The following MCU variants were observed in gnomAD, a reference collection of about 807,000 sequenced individuals.
The protein encoded by MCU is calcium uniporter protein, mitochondrial.
MCU carries 12 observed loss-of-function variants against 45.2 expected under a neutral mutation model. The ratio of observed to expected loss-of-function variants is 0.27; its 90% CI spans 0.17 to 0.43. The LOEUF (loss-of-function observed/expected upper bound fraction) is 0.43. Ranked by LOEUF, MCU falls within the 20% of genes least tolerant of loss-of-function variation. The pLI, the probability that MCU is intolerant of heterozygous loss-of-function variation, is 1.00. For missense variants in MCU, 324 were observed against 436.7 expected (o/e 0.74, Z 2.30); for synonymous variants, 160 against 165.1 (o/e 0.97, Z 0.24).
chr10:72,716,342 C>A (rs1229228439), intron 1 of MCU, among the ~76,000 whole-genome samples: 1 of 152,186 alleles, frequency 6.6e-6, no homozygotes, highest in Non-Finnish European at 1.5e-5. Flanking sequence ...AAAGTCAAGA[C>A]CTGTGTCATA....
chr10:72,752,206 A>G (rs1025670621), intron 1 of MCU, among the ~76,000 whole-genome samples: 3 of 151,378 alleles, frequency 2.0e-5, no homozygotes, highest in Non-Finnish European at 4.4e-5. Context: ...CTTTTCACGC[A>G]TTATCTCAGA....
At chr10:72,814,411 C>G (rs1266912307) in intron 1 of MCU, among the ~76,000 whole-genome samples, 6 of 152,082 alleles carry the variant, frequency 3.9e-5, no homozygotes, top group African/African-American at 7.2e-5. Context: ...CTTTCATTCC[C>G]TGGTGCATTA....
At chr10:72,742,882 G>A (rs748166422) in intron 1 of MCU, among the ~76,000 whole-genome samples, 7 of 152,074 alleles carry the variant, frequency 4.6e-5, no homozygotes, top group Non-Finnish European at 1.0e-4. Context: ...TGATTTCTAG[G>A]GGGTGCAATG....
chr10:72,828,352 G>A (rs4085324), intron 1 of MCU, among the ~76,000 whole-genome samples: 79,460 of 151,988 alleles, frequency 0.52, 22,707 homozygotes, highest in Non-Finnish European at 0.67. Context: ...TGTAGTTAAT[G>A]TAGTTTAGTT....
intron 2 of MCU, among the ~76,000 whole-genome samples, chr10:72,858,891 G>A (rs182779776): frequency 6.6e-6 from 1 of 152,234 alleles, no homozygotes; most frequent in Admixed American, 6.5e-5. Context: ...CCAATATCAA[G>A]AACTTCACCT....
chr10:72,740,794 C>A (rs139815497), intron 1 of MCU, among the ~76,000 whole-genome samples: 1 of 152,294 alleles, frequency 6.6e-6, no homozygotes, highest in African/African-American at 2.4e-5. Flanking sequence ...TCTCAGTGAG[C>A]TCTCAGGAAA....
chr10:72,750,036 TG>T (rs1843472460), intron 1 of MCU, among the ~76,000 whole-genome samples: 1 of 151,980 alleles, frequency 6.6e-6, no homozygotes, highest in African/African-American at 2.4e-5. Flanking sequence ...TGCTTTGACT[TG>T]GCCTCCCGAA....
chr10:72,865,935 C>T (rs983353120), intron 4 of MCU, among the ~76,000 whole-genome samples: 10 of 151,778 alleles, frequency 6.6e-5, no homozygotes, highest in Admixed American at 5.9e-4. Flanking sequence ...TGCCACCATG[C>T]CTGGCTAATT....
At chr10:72,702,814 T>TA (rs996798167) in intron 1 of MCU, among the ~76,000 whole-genome samples, 32 of 151,654 alleles carry the variant, frequency 2.1e-4, no homozygotes, top group African/African-American at 7.3e-4. Context: ...CCATCCCTAC[T>TA]AAAAAAATAC....
chr10:72,794,714 C>T (rs1378210215), intron 1 of MCU, among the ~76,000 whole-genome samples: 2 of 152,180 alleles, frequency 1.3e-5, no homozygotes, highest in South Asian at 2.1e-4. Flanking sequence ...AGCCTCTCTA[C>T]CTTGAGCTCC....
At chr10:72,756,210 C>G (rs1165135601) in intron 1 of MCU, among the ~76,000 whole-genome samples, 1 of 152,044 alleles carries the variant, frequency 6.6e-6, no homozygotes, top group African/African-American at 2.4e-5. Flanking sequence ...TGGTCTTGAA[C>G]TCGTGAGCTC....
At chr10:72,867,854 CAAAAAA>C (rs777086421) in intron 4 of MCU, among the ~76,000 whole-genome samples, 1 of 62,874 alleles carries the variant, frequency 1.6e-5, no homozygotes, top group Admixed American at 1.9e-4. Context: ...GACTTTGTCT[CAAAAAA>C]AAAAAAAAAA....
At chr10:72,697,612 T>A (rs1466320775) in intron 1 of MCU, among the ~76,000 whole-genome samples, 1 of 151,788 alleles carries the variant, frequency 6.6e-6, no homozygotes, top group East Asian at 1.9e-4. Context: ...GTTTTTGTAT[T>A]TTTAGTAGAG....
intron 1 of MCU, among the ~76,000 whole-genome samples, chr10:72,822,439 A>T (rs1409758281): frequency 6.6e-6 from 1 of 152,184 alleles, no homozygotes; most frequent in African/African-American, 2.4e-5. Flanking sequence ...TTAAAATTTC[A>T]CACAAAATGG....
At position 72,871,569 on chromosome 10, in the gene MCU, A is replaced by G. The variant is rs1564580469; in HGVS notation, c.850A>G (p.Met284Val). The G allele has an allele frequency of 6.2e-7, 1 of 1,613,468 alleles. No homozygotes were observed. The highest frequency in any genetic ancestry group is 8.5e-7 in the Non-Finnish European group (1 of 1,179,336). ...SAMAMYAYFV[M>V]TRQEYVYPEA... Reference sequence around the variant, plus strand: ...CATGGCAATGTATGCATATTTTGTAATGACACGCCAGGTAAGAATTCTCTT... The same window carrying G: ...CATGGCAATGTATGCATATTTTGTAGTGACACGCCAGGTAAGAATTCTCTT... Residue 284 changes from methionine (M) to valine (V), a missense_variant, in exon 6 of 8, where the codon ATG becomes GTG. Around this residue, in one of 4 missense-constraint regions of MCU, gnomAD observed 76 missense variants for 99.4 expected, o/e 0.76. Transcript: ENST00000373053.
At chr10:72,709,376 A>G (rs1357902716) in intron 1 of MCU, among the ~76,000 whole-genome samples, 1 of 152,254 alleles carries the variant, frequency 6.6e-6, no homozygotes, top group Non-Finnish European at 1.5e-5. Context: ...AGATAGATTG[A>G]GTAGAATGGA....
At chr10:72,866,480 C>G (rs560870135) in intron 4 of MCU, among the ~76,000 whole-genome samples, 1 of 152,150 alleles carries the variant, frequency 6.6e-6, no homozygotes, top group East Asian at 1.9e-4. Context: ...TTACTGCAAC[C>G]TCTGCCTCTG....
At position 72,720,486 on chromosome 10, in the gene MCU, G is replaced by C. The variant is rs187802463; in HGVS notation, c.150+28185G>C. Among the ~76,000 whole-genome samples the C allele has an allele frequency of 1.7e-3, 262 of 149,920 alleles. 1 individual carries two copies. The highest frequency in any genetic ancestry group is 6.4e-3 in the African/African-American group (253 of 39,262). On this transcript the variant is annotated intron_variant, in intron 1 of 7. Transcript: ENST00000373053. ...TTTTTCTTAGCCCTTTCACTTTGCA[G>C]ATCCACTGACTATTAGGCCCTGACT...
chr10:72,869,213 C>A (rs1159905149), intron 5 of MCU, among the ~76,000 whole-genome samples: 2 of 152,180 alleles, frequency 1.3e-5, no homozygotes, highest in Non-Finnish European at 1.5e-5. Flanking sequence ...TACAGTTGGC[C>A]CTCTGTTATC....
Sources: allele counts gnomAD v4.1 joint callset (sites outside exome capture counted in the v4.1 genomes callset), GRCh38; gene constraint gnomAD v4.1.1; regional missense constraint gnomAD v4.1.1; transcripts MANE v1.5; gene names NCBI Gene and HGNC (gene_info 2026-07-23, HGNC 2026-07-21).